TRAPPC8: variants seen among roughly 807,000 people sequenced by gnomAD.
TRAPPC8 encodes general sporulation gene 1 homolog.
In TRAPPC8, 54 loss-of-function variants were observed where a neutral mutation model predicts 174.3. The ratio of observed to expected loss-of-function variants is 0.31; its 90% CI spans 0.25 to 0.39. The LOEUF (loss-of-function observed/expected upper bound fraction) is 0.39, where lower values mean the gene tolerates loss of function less well. Among genes scored for constraint, TRAPPC8 ranks in the 10% least tolerant of loss-of-function variants. The pLI, the probability that TRAPPC8 is intolerant of heterozygous loss-of-function variation, is 1.00. For synonymous variants in TRAPPC8, 630 were observed against 579.9 expected (o/e 1.09, Z -1.24); for missense variants, 1,531 against 1,699.1 (o/e 0.90, Z 1.74).
At chr18:31,919,754 G>C (rs545965935) in intron 2 of TRAPPC8, among the ~76,000 whole-genome samples, 3 of 151,578 alleles carry the variant, frequency 2.0e-5, no homozygotes, top group African/African-American at 7.3e-5. Context: ...CCAGCTACTC[G>C]AGAGGCTGAG....
intron 10 of TRAPPC8, 54 bp downstream of exon 10, chr18:31,900,871 A>G (rs1350439953): frequency 8.5e-6 from 12 of 1,413,376 alleles, no homozygotes; most frequent in Admixed American, 2.4e-5. Context: ...AAAAAAAAAA[A>G]AGAACAAACT....
intron 11 of TRAPPC8, among the ~76,000 whole-genome samples, chr18:31,892,666 A>G (rs1023216734): frequency 6.6e-6 from 1 of 152,148 alleles, no homozygotes; most frequent in Non-Finnish European, 1.5e-5. Flanking sequence ...ACATACTCTC[A>G]TCAACAAAGA....
chr18:31,868,663 CTTATTTAT>C (rs10569992), intron 16 of TRAPPC8, among the ~76,000 whole-genome samples: 7 of 151,730 alleles, frequency 4.6e-5, no homozygotes, highest in African/African-American at 1.5e-4. Flanking sequence ...ACCAGCAAGA[CTTATTTAT>C]TTATTTATTT....
At position 31,876,489 on chromosome 18, in the gene TRAPPC8, C is replaced by CAA. The variant is rs71175801; in HGVS notation, c.1729-1787_1729-1786dup. 3.7e-3 allele frequency among the ~76,000 whole-genome samples: 177 copies of CAA among 48,262 alleles called. 4 individuals are homozygous for CAA. Among genetic ancestry groups the CAA allele is most frequent in the East Asian group, 7.5e-3 (12 of 1,600 alleles). The allele number at this position is 48,262 out of a possible 152,430, so 31.7% of individuals were successfully genotyped here. ...TGGGCTACACTGCGAGACTCCATCT[C>CAA]AAAAAAAAAAAAAAAAAAAAAAAGA... On this transcript the variant is annotated intron_variant, in intron 12 of 28. Transcript: ENST00000283351.
intron 21 of TRAPPC8, among the ~76,000 whole-genome samples, 156 bp downstream of exon 21, chr18:31,855,504 A>G (rs549613810): frequency 2.6e-4 from 40 of 152,344 alleles, no homozygotes; most frequent in Non-Finnish European, 4.9e-4. Flanking sequence ...TCACAAATCT[A>G]ATGAAGAATT....
At chr18:31,870,575 T>C in intron 15 of TRAPPC8, 73 bp from the exon 16 acceptor site, 2 of 1,488,848 alleles carry the variant, frequency 1.3e-6, no homozygotes, top group Admixed American at 2.0e-5. Flanking sequence ...ATCTTCTAAA[T>C]GCATCTTGCT....
chr18:31,862,341 TAAAAAAAAAAATGATGA>T (rs902825779), intron 19 of TRAPPC8, among the ~76,000 whole-genome samples: 14 of 146,902 alleles, frequency 9.5e-5, no homozygotes, highest in African/African-American at 3.2e-4. Flanking sequence ...CTTGCCAGAT[TAAAAAAAAAAATGATGA>T]AGCAACAGTA....
chr18:31,861,459 T>C (rs563247), intron 19 of TRAPPC8, among the ~76,000 whole-genome samples: 103,638 of 152,040 alleles, frequency 0.68, 36,540 homozygotes, highest in African/African-American at 0.85. Context: ...TTTAAGCTTC[T>C]TTCCTAAGTG....
intron 1 of TRAPPC8, chr18:31,939,753 G>A (rs907419702): frequency 1.3e-5 from 2 of 152,250 alleles, no homozygotes; most frequent in Non-Finnish European, 2.9e-5. Flanking sequence ...TACTTGGGAG[G>A]CTGAGACAAG....
chr18:31,931,471 T>C lies in TRAPPC8; in HGVS notation c.210A>G (p.Ile70Met). 6.2e-7 allele frequency: 1 copy of C among 1,608,424 alleles called. No homozygotes were observed. The highest frequency in any genetic ancestry group is 1.1e-5 in the South Asian group (1 of 89,324). Reference protein sequence around the residue: ...NQLHVIKNLKIAVSNIVTQPP... With the variant: ...NQLHVIKNLKMAVSNIVTQPP... ...GCTGGGTGACAATGTTGCTTACTGC[T>C]ATCTTCAAATTTTTAATTACGTGAA... The change falls in exon 2 of 29, where the codon ATA (isoleucine) becomes ATG (methionine). Residue 70 changes from isoleucine (I) to methionine (M), a missense_variant. By Grantham distance (10) the Ile-to-Met change is conservative. Transcript: ENST00000283351.
intron 2 of TRAPPC8, among the ~76,000 whole-genome samples, chr18:31,925,746 G>C (rs2037587807): frequency 6.6e-6 from 1 of 152,162 alleles, no homozygotes; most frequent in East Asian, 1.9e-4. Flanking sequence ...CTAACAGCTG[G>C]AGGGCTGGGG....
At chr18:31,917,739 T>C in intron 2 of TRAPPC8, 72 bp from the exon 3 acceptor site, 2 of 1,379,338 alleles carry the variant, frequency 1.4e-6, no homozygotes, top group Non-Finnish European at 2.0e-6. Context: ...AAATTTCAAG[T>C]CCATATTCCT....
At chr18:31,872,772 G>A (rs1275848409) in intron 14 of TRAPPC8, among the ~76,000 whole-genome samples, 1 of 151,948 alleles carries the variant, frequency 6.6e-6, no homozygotes, top group Non-Finnish European at 1.5e-5. Context: ...ATATCAAGTG[G>A]ATGTTAAAAT....
intron 10 of TRAPPC8, 144 bp downstream of exon 10, chr18:31,900,781 T>C (rs2036386533): frequency 3.3e-6 from 2 of 612,566 alleles, no homozygotes; most frequent in Non-Finnish European, 5.4e-6. Flanking sequence ...AAAGGTATAA[T>C]AAAACACTAA....
chr18:31,894,176 T>C (rs1427397393), intron 11 of TRAPPC8, among the ~76,000 whole-genome samples: 1 of 152,200 alleles, frequency 6.6e-6, no homozygotes, highest in African/African-American at 2.4e-5. Flanking sequence ...AGAATCAGTT[T>C]CTAGAGCTGA....
chr18:31,862,341 TAA>T (rs143772464), intron 19 of TRAPPC8, among the ~76,000 whole-genome samples: 4,377 of 146,960 alleles, frequency 0.03, 225 homozygotes, highest in African/African-American at 0.1. Context: ...CTTGCCAGAT[TAA>T]AAAAAAAAAT....
intron 2 of TRAPPC8, among the ~76,000 whole-genome samples, chr18:31,929,101 G>A (rs367571804): frequency 1.3e-5 from 2 of 151,484 alleles, no homozygotes; most frequent in South Asian, 2.1e-4. Context: ...AGAATCTCTC[G>A]AACCCGGGAG....
At position 31,830,605 on chromosome 18, in the gene TRAPPC8, T is replaced by C; in HGVS notation, c.*150A>G. 1 of 641,610 alleles carries C rather than the reference T, an allele frequency of 1.6e-6. No individual in the cohort carries two copies. Among genetic ancestry groups the C allele is most frequent in the Non-Finnish European group, 2.7e-6 (1 of 376,394 alleles). 39.7% of individuals were successfully genotyped at this position (641,610 alleles called of 1,614,324 possible). A position where few individuals can be genotyped will look rare whatever the true frequency, so the allele number is the denominator to read the frequency against. Reference sequence around the variant, plus strand: ...TTAAGTATTCTCAGTCCAACGTGCTTTGCATCATCAACAAAATGACAAGTC... The same window carrying C: ...TTAAGTATTCTCAGTCCAACGTGCTCTGCATCATCAACAAAATGACAAGTC... On this transcript the variant is annotated 3_prime_UTR_variant, in exon 29 of 29. Transcript: ENST00000283351.
intron 2 of TRAPPC8, among the ~76,000 whole-genome samples, chr18:31,917,881 T>C (rs577985667): frequency 1.3e-5 from 2 of 152,280 alleles, no homozygotes; most frequent in South Asian, 4.1e-4. Context: ...CCCAGCACTT[T>C]GGGAGGCCAA....
Sources: allele counts gnomAD v4.1 joint callset (sites outside exome capture counted in the v4.1 genomes callset), GRCh38; gene constraint gnomAD v4.1.1; transcripts MANE v1.5; gene names NCBI Gene and HGNC (gene_info 2026-07-23, HGNC 2026-07-21).